Variants in AGBL1 observed in about 807,000 individuals in gnomAD.
The protein encoded by AGBL1 is AGBL carboxypeptidase 1, also known as cytosolic carboxypeptidase 4.
In AGBL1, 130 loss-of-function variants were observed where a neutral mutation model predicts 118.9. That is an observed-to-expected ratio of 1.09 (90% CI 0.95 to 1.26). The LOEUF is 1.26. AGBL1 is among the 50% of genes most tolerant of loss of function. AGBL1 has a pLI of 0.00. For missense variants in AGBL1, 1,584 were observed against 1,298.1 expected, an observed-to-expected ratio of 1.22 and a Z score of -3.38; for synonymous variants, 555 against 478.9, an observed-to-expected ratio of 1.16 and a Z score of -2.08.
At chr15:86,243,364 G>C (rs932648348) in intron 6 of AGBL1, among the ~76,000 whole-genome samples, 2 of 152,134 alleles carry the variant, frequency 1.3e-5, no homozygotes, top group Non-Finnish European at 1.5e-5. Context: ...GAAATACTTG[G>C]GGTTAAAATA....
At chr15:86,400,755 A>T (rs2081432514) in intron 18 of AGBL1, among the ~76,000 whole-genome samples, 1 of 151,268 alleles carries the variant, frequency 6.6e-6, no homozygotes, top group Non-Finnish European at 1.5e-5. Flanking sequence ...ACAGTCTCCA[A>T]CTCCATCCAA....
At chr15:87,005,703 C>G (rs1277343954) in intron 24 of AGBL1, among the ~76,000 whole-genome samples, 1 of 152,212 alleles carries the variant, frequency 6.6e-6, no homozygotes, top group Non-Finnish European at 1.5e-5. Context: ...CAAAGTCATT[C>G]TCTCTCTGTC....
intron 18 of AGBL1, among the ~76,000 whole-genome samples, chr15:86,438,850 C>T (rs950932446): frequency 5.3e-5 from 8 of 151,784 alleles, no homozygotes; most frequent in African/African-American, 1.5e-4. Context: ...TTAGTAGAAT[C>T]GGGGTTTCAC....
At chr15:86,961,585 A>G (rs750183130) in intron 23 of AGBL1, among the ~76,000 whole-genome samples, 1 of 152,058 alleles carries the variant, frequency 6.6e-6, no homozygotes, top group Non-Finnish European at 1.5e-5. Context: ...AAAGGCATGC[A>G]ATCTATACAG....
chr15:86,824,135 A>C lies in AGBL1; in HGVS notation c.3159-82952A>C, dbSNP rs145437760. On this transcript the variant is annotated intron_variant, in intron 22 of 22. Transcript: ENST00000614907. Reference sequence around the variant, plus strand: ...GCACATATTAGAAAGGAAGAAATCAAATCCTCCCTATTTGCACATAAGATT... The same window carrying C: ...GCACATATTAGAAAGGAAGAAATCACATCCTCCCTATTTGCACATAAGATT... Among the ~76,000 whole-genome samples, 159 of 152,200 alleles carry C rather than the reference A, an allele frequency of 1.0e-3. 2 individuals carry two copies. The highest frequency in any genetic ancestry group is 3.6e-3 in the African/African-American group (150 of 41,550).
chr15:86,503,421 T>C (rs865947927), intron 18 of AGBL1, among the ~76,000 whole-genome samples: 27 of 151,412 alleles, frequency 1.8e-4, no homozygotes, highest in African/African-American at 6.5e-4. Flanking sequence ...TTCTATTCTG[T>C]ATTTTATGTA....
At chr15:86,752,087 C>T (rs1271140445) in intron 22 of AGBL1, among the ~76,000 whole-genome samples, 6 of 152,036 alleles carry the variant, frequency 3.9e-5, no homozygotes, top group African/African-American at 1.2e-4. Context: ...ATCACACACC[C>T]CTCCCAATGG....
rs2078747303 is a variant in AGBL1, at chr15:86,247,867, C to T, written c.723C>T (p.Phe241=). Residue 241 remains phenylalanine, a synonymous_variant, in exon 7 of 23, where the codon TTC becomes TTT. Transcript: ENST00000614907. ...FLAAQGMEIL[F]STTQNCLDDK... ...CAGCACAGGGCATGGAGATCCTCTT[C>T]AGCACCACACAGGCAGGCAGCATGG... 6 of 1,613,798 alleles carry T rather than the reference C, an allele frequency of 3.7e-6. 1 individual carries two copies. In the East Asian group the frequency reaches 1.1e-4, roughly 30 times the overall value.
intron 22 of AGBL1, among the ~76,000 whole-genome samples, chr15:86,773,627 C>T (rs2078212688): frequency 6.6e-6 from 1 of 150,556 alleles, no homozygotes; most frequent in South Asian, 2.1e-4. Context: ...GAACATGTAC[C>T]CTAAAACTTA....
At chr15:86,573,564 T>C (rs11073647) in intron 21 of AGBL1, among the ~76,000 whole-genome samples, 28,336 of 152,194 alleles carry the variant, frequency 0.19, 2,815 homozygotes, top group African/African-American at 0.23. Flanking sequence ...ATTTTTCTTT[T>C]ATCCTAGTTG....
At chr15:86,916,248 G>T (rs139292470), downstream of AGBL1, 29 of 152,334 alleles carry the variant, frequency 1.9e-4, no homozygotes, top group East Asian at 3.3e-3. Flanking sequence ...GAACTGAAGC[G>T]TGTCCCTTGC....
chr15:86,900,804 A>G (rs184376639), intron 22 of AGBL1, among the ~76,000 whole-genome samples: 44 of 152,244 alleles, frequency 2.9e-4, no homozygotes, highest in African/African-American at 9.6e-4. Flanking sequence ...AGCTTTTGAT[A>G]CTTCTTGCAG....
chr15:86,827,341 G>GTA (rs1170412268), intron 22 of AGBL1, among the ~76,000 whole-genome samples: 60 of 2,486 alleles, frequency 0.024, 16 homozygotes, highest in Admixed American at 0.047. Flanking sequence ...ATATATATGT[G>GTA]TATATATATA....
chr15:86,703,840 CTT>C (rs911077057), intron 22 of AGBL1, among the ~76,000 whole-genome samples: 1 of 151,808 alleles, frequency 6.6e-6, no homozygotes, highest in Admixed American at 6.6e-5. Context: ...AATTAAATCT[CTT>C]TTTTTTAGAA....
chr15:86,608,014 T>C (rs986057855), intron 21 of AGBL1, among the ~76,000 whole-genome samples: 2 of 152,208 alleles, frequency 1.3e-5, no homozygotes, highest in Non-Finnish European at 2.9e-5. Context: ...CCAAGTCTTA[T>C]CTTCTTTCTG....
chr15:86,523,544 G>A (rs73457670), intron 19 of AGBL1, among the ~76,000 whole-genome samples: 7,192 of 152,066 alleles, frequency 0.047, 594 homozygotes, highest in African/African-American at 0.17. Context: ...AACCCCCAGC[G>A]TAGTAGTCAT....
At chr15:86,771,479 T>C (rs573274442) in intron 22 of AGBL1, among the ~76,000 whole-genome samples, 1 of 152,110 alleles carries the variant, frequency 6.6e-6, no homozygotes, top group East Asian at 1.9e-4. Flanking sequence ...GGATAACTTT[T>C]TGGAGGGAGA....
chr15:86,221,148 A>C (rs150602918), intron 5 of AGBL1, among the ~76,000 whole-genome samples: 1 of 152,286 alleles, frequency 6.6e-6, no homozygotes, highest in Non-Finnish European at 1.5e-5. Flanking sequence ...CAGTGAGCTG[A>C]GATTGTACAA....
chr15:86,736,573 C>T (rs1364745729), intron 22 of AGBL1, among the ~76,000 whole-genome samples: 1 of 152,156 alleles, frequency 6.6e-6, no homozygotes. Flanking sequence ...AGTGATGTCA[C>T]TGGCATTCAA....
Sources: gnomAD v4.1 joint callset for allele counts (sites outside exome capture counted in the v4.1 genomes callset) on GRCh38, gnomAD v4.1.1 for gene constraint, MANE v1.5 for transcripts, NCBI Gene and HGNC (gene_info 2026-07-23, HGNC 2026-07-21) for gene names.